The following CSMD3 variants were observed in gnomAD, a reference collection of about 807,000 sequenced individuals.
The protein encoded by CSMD3 is CUB and sushi domain-containing protein 3.
CSMD3 carries 177 observed loss-of-function variants against 435.2 expected under a neutral mutation model. The ratio of observed to expected loss-of-function variants is 0.41; its 90% confidence interval spans 0.36 to 0.46. CSMD3 has a LOEUF of 0.46. Among genes scored for constraint, CSMD3 ranks in the 20% least tolerant of loss-of-function variants. The pLI, the probability that CSMD3 is intolerant of heterozygous loss-of-function variation, is 0.34. For missense variants in CSMD3, 4,265 were observed against 4,504.6 expected, an observed-to-expected ratio of 0.95 and a Z score of 1.52; for synonymous variants, 1,656 against 1,520.5, an observed-to-expected ratio of 1.09 and a Z score of -2.07.
intron 38 of CSMD3, among the ~76,000 whole-genome samples, chr8:112,377,566 C>A (rs1021789244): frequency 2.0e-5 from 3 of 152,092 alleles, no homozygotes; most frequent in Non-Finnish European, 4.4e-5. Flanking sequence ...AATCCAATAT[C>A]CCTTTTGAAT....
At chr8:113,061,039 C>T (rs1444072772) in intron 5 of CSMD3, among the ~76,000 whole-genome samples, 3 of 152,266 alleles carry the variant, frequency 2.0e-5, no homozygotes, top group South Asian at 4.1e-4. Flanking sequence ...GATTACTAAT[C>T]TCACAAACCC....
rs143305992 is a variant in CSMD3, at chr8:112,306,120, C to G, written c.7958G>C (p.Arg2653Pro). The G allele has an allele frequency of 6.2e-7, 1 of 1,612,796 alleles. No homozygotes were observed. The highest frequency in any genetic ancestry group is 8.5e-7 in the Non-Finnish European group (1 of 1,178,910). The change falls in exon 51 of 71, where the codon CGA (arginine) becomes CCA (proline). Residue 2653 changes from arginine (R) to proline (P), a missense_variant. Physicochemically the swap from Arg to Pro is moderately radical, Grantham distance 103 (BLOSUM62 -2). This residue lies in a region of CSMD3 where 3,255 missense variants were observed against 3,380.2 expected (regional missense o/e 0.96). Transcript: ENST00000297405. ...ILTTDYLVGT[R>P]VTYFCNDGYR... The stretch of plus-strand genomic sequence containing the variant: ...TCCATCATTACAAAAATAGGTAACT[C>G]GCGTTCCTACCAAATAGTCTGTTGT...
intron 10 of CSMD3, among the ~76,000 whole-genome samples, chr8:112,872,199 A>C (rs1398272839): frequency 6.6e-6 from 1 of 152,042 alleles, no homozygotes; most frequent in Non-Finnish European, 1.5e-5. Flanking sequence ...AGTTCAGTTC[A>C]ATAACATTTA....
intron 13 of CSMD3, among the ~76,000 whole-genome samples, chr8:112,758,313 C>T (rs1239328494): frequency 1.3e-5 from 2 of 150,018 alleles, no homozygotes; most frequent in Non-Finnish European, 2.9e-5. Flanking sequence ...GATCGCGCCA[C>T]TGTACTCCAG....
chr8:113,159,794 T>G (rs1226003051), intron 4 of CSMD3, among the ~76,000 whole-genome samples: 4 of 152,110 alleles, frequency 2.6e-5, no homozygotes, highest in South Asian at 2.1e-4. Flanking sequence ...ATTAAATTAT[T>G]AAACTACTCC....
At chr8:112,308,159 G>A (rs1821622128) in intron 50 of CSMD3, among the ~76,000 whole-genome samples, 1 of 152,028 alleles carries the variant, frequency 6.6e-6, no homozygotes, top group Non-Finnish European at 1.5e-5. Context: ...TCTAATTACA[G>A]AACCTCTAAA....
At chr8:112,673,390 C>T (rs1271453070) in intron 16 of CSMD3, among the ~76,000 whole-genome samples, 1 of 151,950 alleles carries the variant, frequency 6.6e-6, no homozygotes, top group African/African-American at 2.4e-5. Context: ...TACCCAGCTC[C>T]ACAAAGATTA....
chr8:113,101,724 C>T lies in CSMD3; in HGVS notation c.710-2761G>A, dbSNP rs925238714. 3.3e-5 allele frequency among the ~76,000 whole-genome samples: 5 copies of T among 152,106 alleles called. No individual in the cohort carries two copies. In the South Asian group the frequency reaches 1.0e-3, roughly 32 times the overall value. On this transcript the variant is annotated intron_variant, in intron 4 of 70. Coordinates refer to ENST00000297405, the MANE Select transcript of CSMD3 (RefSeq NM_198123.2). Reference sequence around the variant, plus strand: ...GACTCAGTTCCTCCAGCATTCAAACCAATGTTCATGTCGACTCTTGTACTG... The same window carrying T: ...GACTCAGTTCCTCCAGCATTCAAACTAATGTTCATGTCGACTCTTGTACTG...
intron 3 of CSMD3, among the ~76,000 whole-genome samples, chr8:113,229,102 T>C (rs1160524171): frequency 6.6e-6 from 1 of 151,644 alleles, no homozygotes; most frequent in African/African-American, 2.4e-5. Flanking sequence ...GGAATTATAA[T>C]AGAGAATCTA....
At chr8:113,021,378 T>C (rs2086678459) in intron 5 of CSMD3, among the ~76,000 whole-genome samples, 1 of 152,222 alleles carries the variant, frequency 6.6e-6, no homozygotes, top group Admixed American at 6.5e-5. Context: ...TTGAGTAGCA[T>C]AGTTCATGCC....
chr8:113,345,351 C>T (rs999880431), intron 1 of CSMD3, among the ~76,000 whole-genome samples: 24 of 152,126 alleles, frequency 1.6e-4, no homozygotes, highest in African/African-American at 5.8e-4. Flanking sequence ...TATGGAACTG[C>T]CTTATTGCTC....
rs1411696712 is a variant in CSMD3 at position 112,650,317 on chromosome 8, G to C, written c.3037C>G (p.Pro1013Ala). 1 of 1,613,636 alleles carries C rather than the reference G, an allele frequency of 6.2e-7. No individual in the cohort carries two copies. Residue 1013 changes from proline (P) to alanine (A), a missense_variant, in exon 19 of 71, where the codon CCT becomes GCT. Pro to Ala is a conservative substitution (Grantham distance 27, BLOSUM62 -1). Transcript: ENST00000297405. ...VTVNTYSCLD[P>A]GIPVHGRRYG... ...CGACGGCCATGTACAGGTATGCCAG[G>C]GTCCAAACAAGAATACGTGTTCACT...
chr8:113,372,129 AT>A (rs1490600262), intron 1 of CSMD3, among the ~76,000 whole-genome samples: 41 of 152,262 alleles, frequency 2.7e-4, no homozygotes, highest in African/African-American at 8.7e-4. Context: ...TTTATCTTAT[AT>A]TTTAAATATT....
At chr8:112,542,820 T>C (rs1826805172) in intron 27 of CSMD3, among the ~76,000 whole-genome samples, 2 of 152,038 alleles carry the variant, frequency 1.3e-5, no homozygotes, top group Admixed American at 1.3e-4. Context: ...AAATATATAT[T>C]ACCAAAGTAC....
At chr8:112,564,125 G>A (rs1466546076) in intron 24 of CSMD3, among the ~76,000 whole-genome samples, 2 of 150,056 alleles carry the variant, frequency 1.3e-5, no homozygotes, top group Non-Finnish European at 3.0e-5. Context: ...TTTGGCCCAT[G>A]TTTTTGTTTT....
At chr8:112,568,652 A>G (rs1829259523) in intron 24 of CSMD3, among the ~76,000 whole-genome samples, 1 of 152,128 alleles carries the variant, frequency 6.6e-6, no homozygotes, top group African/African-American at 2.4e-5. Flanking sequence ...TTTTCATACT[A>G]GGTATGCATA....
At chr8:112,429,736 T>C (rs1252106264) in intron 32 of CSMD3, among the ~76,000 whole-genome samples, 1 of 152,062 alleles carries the variant, frequency 6.6e-6, no homozygotes, top group African/African-American at 2.4e-5. Flanking sequence ...ATGCAGACAA[T>C]TGATAATTTA....
chr8:112,844,776 A>G (rs1335961141), intron 11 of CSMD3, among the ~76,000 whole-genome samples: 1 of 151,854 alleles, frequency 6.6e-6, no homozygotes, highest in Non-Finnish European at 1.5e-5. Context: ...TCATAATTGA[A>G]AAGCCTGTGC....
chr8:112,838,781 A>G (rs1302930095), intron 11 of CSMD3, among the ~76,000 whole-genome samples: 4 of 151,896 alleles, frequency 2.6e-5, no homozygotes, highest in African/African-American at 9.6e-5. Context: ...TACATTTCAC[A>G]TCTATATGGA....
Sources: gnomAD v4.1 joint callset for allele counts (sites outside exome capture counted in the v4.1 genomes callset) on GRCh38, gnomAD v4.1.1 for gene constraint, gnomAD v4.1.1 regional missense constraint, MANE v1.5 for transcripts, NCBI Gene and HGNC (gene_info 2026-07-23, HGNC 2026-07-21) for gene names.